Variants in COL23A1 observed in about 807,000 individuals in gnomAD.
COL23A1 encodes the protein collagen alpha-1(XXIII) chain.
COL23A1 carries 97 observed loss-of-function variants against 99.3 expected under a neutral mutation model. The ratio of observed to expected loss-of-function variants is 0.98; its 90% CI spans 0.83 to 1.16. COL23A1 has a LOEUF of 1.16. Ranked by LOEUF, COL23A1 falls within the 50% of genes most tolerant of loss-of-function variation. COL23A1 has a pLI of 0.00. For synonymous variants in COL23A1, 320 were observed against 308.2 expected, an observed-to-expected ratio of 1.04 and a Z score of -0.40; for missense variants, 762 against 757.4, an observed-to-expected ratio of 1.01 and a Z score of -0.07.
intron 2 of COL23A1, among the ~76,000 whole-genome samples, chr5:178,466,157 T>C (rs1756409959): frequency 6.6e-6 from 1 of 152,110 alleles, no homozygotes; most frequent in African/African-American, 2.4e-5. Context: ...TCTTCGCCGG[T>C]GTTGGAGGCC....
At chr5:178,520,131 C>T (rs1182875578) in intron 2 of COL23A1, among the ~76,000 whole-genome samples, 1 of 151,950 alleles carries the variant, frequency 6.6e-6, no homozygotes, top group Non-Finnish European at 1.5e-5. Flanking sequence ...TGGATGGATG[C>T]ATCTGAATGG....
In COL23A1 at chr5:178,576,480, G is replaced by A. The variant is rs553392229; in HGVS notation, c.294+13424C>T. On this transcript the variant is annotated intron_variant, in intron 1 of 28. Coordinates refer to ENST00000390654, the MANE Select transcript of COL23A1 (RefSeq NM_173465.4). ...GAACTCCTGACCTCGTGATCCACCC[G>A]CCTCGGCCTCCCAAAGTGCTGGGAT... Among the ~76,000 whole-genome samples, 161 of 152,252 alleles carry A rather than the reference G, an allele frequency of 1.1e-3. 2 individuals carry two copies. The highest frequency in any genetic ancestry group is 2.6e-3 in the Admixed American group (40 of 15,300).
chr5:178,400,127 G>A (rs918511415), intron 2 of COL23A1, among the ~76,000 whole-genome samples: 20 of 152,154 alleles, frequency 1.3e-4, no homozygotes, highest in African/African-American at 4.8e-4. Context: ...AGCACTTTGG[G>A]AGGCTGAGGC....
At chr5:178,319,111 G>A (rs953778010) in intron 2 of COL23A1, among the ~76,000 whole-genome samples, 25 of 152,098 alleles carry the variant, frequency 1.6e-4, no homozygotes, top group Non-Finnish European at 3.2e-4. Context: ...TGGGTGGGGG[G>A]CTGGGGATAT....
chr5:178,521,738 G>C (rs1159387343), intron 2 of COL23A1, among the ~76,000 whole-genome samples: 5 of 152,174 alleles, frequency 3.3e-5, no homozygotes, highest in African/African-American at 1.2e-4. Flanking sequence ...TATGCTAAGT[G>C]AAAGTCAGAA....
chr5:178,467,366 G>A (rs936610405), intron 2 of COL23A1, among the ~76,000 whole-genome samples: 3 of 152,212 alleles, frequency 2.0e-5, no homozygotes, highest in African/African-American at 7.2e-5. Flanking sequence ...AGTGACAAAC[G>A]CTCCCTGACT....
intron 2 of COL23A1, among the ~76,000 whole-genome samples, chr5:178,360,292 A>C (rs966100200): frequency 6.6e-6 from 1 of 152,266 alleles, no homozygotes; most frequent in African/African-American, 2.4e-5. Flanking sequence ...GTAGAATAAG[A>C]ATAGAAACTG....
chr5:178,551,915 C>G (rs756641362), intron 2 of COL23A1, among the ~76,000 whole-genome samples: 11 of 152,164 alleles, frequency 7.2e-5, no homozygotes, highest in Admixed American at 2.6e-4. Flanking sequence ...ACTCACCCTC[C>G]CCTCCCACTG....
At chr5:178,373,710 T>G (rs999457872) in intron 2 of COL23A1, among the ~76,000 whole-genome samples, 1 of 152,218 alleles carries the variant, frequency 6.6e-6, no homozygotes, top group South Asian at 2.1e-4. Flanking sequence ...GCCACCGTCC[T>G]TGGCCCTGCC....
intron 2 of COL23A1, among the ~76,000 whole-genome samples, chr5:178,516,767 A>G (rs889804095): frequency 6.6e-6 from 1 of 151,892 alleles, no homozygotes; most frequent in African/African-American, 2.4e-5. Context: ...AGTCTCCCCC[A>G]GGCTCCCCAG....
At chr5:178,264,156 G>A (rs1455735181) in intron 8 of COL23A1, among the ~76,000 whole-genome samples, 7 of 152,074 alleles carry the variant, frequency 4.6e-5, no homozygotes, top group Non-Finnish European at 1.0e-4. Flanking sequence ...ACACACAAAC[G>A]AGTGTGTGTA....
intron 2 of COL23A1, among the ~76,000 whole-genome samples, chr5:178,491,942 C>T (rs1206580259): frequency 6.6e-6 from 1 of 152,068 alleles, no homozygotes; most frequent in Non-Finnish European, 1.5e-5. Flanking sequence ...ACCATGTTGG[C>T]CAGGCTGGTC....
At chr5:178,520,692 C>T (rs1210535834) in intron 2 of COL23A1, among the ~76,000 whole-genome samples, 1 of 152,162 alleles carries the variant, frequency 6.6e-6, no homozygotes, top group Non-Finnish European at 1.5e-5. Flanking sequence ...TTAAGTGAAG[C>T]TTAAGTGTTT....
chr5:178,491,164 G>A (rs533729568), intron 2 of COL23A1, among the ~76,000 whole-genome samples: 1 of 151,778 alleles, frequency 6.6e-6, no homozygotes, highest in African/African-American at 2.4e-5. Flanking sequence ...GAGAGAGAAA[G>A]GGAAAGAGAG....
intron 2 of COL23A1, among the ~76,000 whole-genome samples, chr5:178,378,673 G>A (rs1007105250): frequency 2.6e-5 from 4 of 152,208 alleles, no homozygotes; most frequent in Non-Finnish European, 4.4e-5. Context: ...TGCAGGATAC[G>A]CAGGGATGGA....
At position 178,246,015 on chromosome 5, in the gene COL23A1, G is replaced by A. The variant is rs776587033; in HGVS notation, c.1414-47C>T. ...GTGAGAGGGGTTGGGGAGGGGTGCT[G>A]GGAGCACAGCTGCTGGGAAGTCCAG... On this transcript the variant is annotated intron_variant, in intron 24 of 28. Coordinates refer to ENST00000390654, the MANE Select transcript of COL23A1 (RefSeq NM_173465.4). The A allele has an allele frequency of 1.9e-6, 3 of 1,608,344 alleles. No homozygotes were observed. In the Admixed American group the frequency reaches 5.0e-5, roughly 27 times the overall value.
At chr5:178,362,560 C>T (rs901370545) in intron 2 of COL23A1, among the ~76,000 whole-genome samples, 1 of 152,206 alleles carries the variant, frequency 6.6e-6, no homozygotes, top group African/African-American at 2.4e-5. Flanking sequence ...CTCTCCCACC[C>T]ACCCTTGCCA....
chr5:178,352,252 G>A (rs1008619300), intron 2 of COL23A1: 14 of 152,270 alleles, frequency 9.2e-5, no homozygotes, highest in East Asian at 3.9e-4. Flanking sequence ...GCAGAGCTAC[G>A]GCACAGTTGT....
intron 2 of COL23A1, chr5:178,523,685 A>G (rs1760147317): frequency 6.6e-6 from 1 of 152,134 alleles, no homozygotes. Context: ...TCCATCACCA[A>G]CCGAACAGCA....
Sources: allele counts gnomAD v4.1 joint callset (sites outside exome capture counted in the v4.1 genomes callset), GRCh38; gene constraint gnomAD v4.1.1; transcripts MANE v1.5; gene names NCBI Gene and HGNC (gene_info 2026-07-23, HGNC 2026-07-21).